Variants in KIF16B observed in about 807,000 individuals in gnomAD.
KIF16B encodes the protein kinesin family member 16B.
A neutral mutation model predicts 156.3 loss-of-function variants in KIF16B; 98 were observed. The observed-to-expected ratio is 0.63, with a 90% CI of 0.53 to 0.74. The LOEUF (loss-of-function observed/expected upper bound fraction) is 0.74. KIF16B is among the 30% of genes least tolerant of loss of function. The pLI is 0.00. For synonymous variants in KIF16B, 564 were observed against 583.7 expected, an observed-to-expected ratio of 0.97 and a Z score of 0.49; for missense variants, 1,421 against 1,606.5, an observed-to-expected ratio of 0.88 and a Z score of 1.97.
At chr20:16,445,923 T>C (rs1310476677) in intron 12 of KIF16B, among the ~76,000 whole-genome samples, 1 of 152,196 alleles carries the variant, frequency 6.6e-6, no homozygotes, top group East Asian at 1.9e-4. Flanking sequence ...TTCCTTTTTA[T>C]TGTGCTTTAC....
chr20:16,317,662 T>C (rs1427798901), intron 24 of KIF16B, among the ~76,000 whole-genome samples: 2 of 152,150 alleles, frequency 1.3e-5, no homozygotes, highest in African/African-American at 4.8e-5. Context: ...AAAGCACTGC[T>C]ACCACCGCAA....
chr20:16,431,861 G>GTA lies in KIF16B; in HGVS notation c.1303-1881_1303-1880dup, dbSNP rs201104430. ...TCTCCTTGGGAATGGCTATTAGTGT[G>GTA]TATATATATATATACATATATATAT... is the stretch of plus-strand genomic sequence containing the variant. On this transcript the variant is annotated intron_variant, in intron 12 of 25. Transcript: ENST00000354981. Among the ~76,000 whole-genome samples the GTA allele has an allele frequency of 7.5e-3, 1,068 of 142,558 alleles. 10 individuals are homozygous for GTA. The highest frequency in any genetic ancestry group is 0.042 in the South Asian group (189 of 4,466). 93.5% of individuals were successfully genotyped at this position (142,558 alleles called of 152,430 possible). A position where few individuals can be genotyped will look rare whatever the true frequency, so the allele number is the denominator to read the frequency against.
intron 23 of KIF16B, among the ~76,000 whole-genome samples, chr20:16,338,457 A>G (rs1434500631): frequency 1.3e-5 from 2 of 152,186 alleles, no homozygotes; most frequent in South Asian, 4.2e-4. Context: ...CTTCAGCCCT[A>G]TTGATCTCCT....
intron 1 of KIF16B, among the ~76,000 whole-genome samples, chr20:16,530,884 A>G (rs2069723817): frequency 1.3e-5 from 2 of 151,970 alleles, no homozygotes; most frequent in Admixed American, 1.3e-4. Context: ...TATTTTTTGT[A>G]GAGATGGAGT....
intron 12 of KIF16B, among the ~76,000 whole-genome samples, chr20:16,472,553 T>TAAA (rs11318601): frequency 3.5e-5 from 4 of 113,558 alleles, no homozygotes; most frequent in Non-Finnish European, 5.3e-5. Context: ...CATCTGAAAT[T>TAAA]AAAAAAAAAA....
intron 12 of KIF16B, among the ~76,000 whole-genome samples, chr20:16,444,244 G>A (rs1328725089): frequency 6.6e-6 from 1 of 152,190 alleles, no homozygotes; most frequent in Non-Finnish European, 1.5e-5. Context: ...CACATCACAT[G>A]ACCCAGCAGT....
At chr20:16,288,838 C>A (rs2063269267) in intron 25 of KIF16B, among the ~76,000 whole-genome samples, 1 of 152,086 alleles carries the variant, frequency 6.6e-6, no homozygotes, top group Non-Finnish European at 1.5e-5. Flanking sequence ...GGGATCCCAT[C>A]ATAAGTGGAA....
At chr20:16,532,192 C>G (rs201078192) in intron 1 of KIF16B, among the ~76,000 whole-genome samples, 2 of 138,106 alleles carry the variant, frequency 1.4e-5, no homozygotes, top group South Asian at 2.3e-4. Context: ...ACTTAAAAAA[C>G]CTTTTAGAGA....
chr20:16,391,082 G>A (rs2065352697), intron 17 of KIF16B, among the ~76,000 whole-genome samples: 1 of 152,128 alleles, frequency 6.6e-6, no homozygotes, highest in Admixed American at 6.5e-5. Context: ...GAATTGTGAT[G>A]AGCATAGTGT....
chr20:16,348,178 GAA>G (rs2064269379), intron 23 of KIF16B, among the ~76,000 whole-genome samples: 1 of 152,148 alleles, frequency 6.6e-6, no homozygotes. Flanking sequence ...AGTAGATTTT[GAA>G]AACAGGCAAG....
intron 25 of KIF16B, among the ~76,000 whole-genome samples, chr20:16,303,070 G>A (rs1042408159): frequency 2.0e-5 from 3 of 152,070 alleles, no homozygotes; most frequent in African/African-American, 4.8e-5. Flanking sequence ...CAACACAGCT[G>A]CAAAGTAGCA....
chr20:16,534,291 G>C (rs1267108553), intron 1 of KIF16B, among the ~76,000 whole-genome samples: 1 of 151,724 alleles, frequency 6.6e-6, no homozygotes, highest in African/African-American at 2.4e-5. Context: ...ATTACTCTTA[G>C]TATTTATAAC....
intron 6 of KIF16B, among the ~76,000 whole-genome samples, chr20:16,511,038 C>T (rs62199784): frequency 0.012 from 1,769 of 152,278 alleles, 15 homozygotes; most frequent in Middle Eastern, 0.061. Flanking sequence ...CTTCCGAAGA[C>T]GCAAGAGGTT....
At chr20:16,378,757 A>G in intron 19 of KIF16B, 48 bp downstream of exon 19, 1 of 1,494,550 alleles carries the variant, frequency 6.7e-7, no homozygotes, top group Non-Finnish European at 9.0e-7. Context: ...AAAAATGAGC[A>G]CTCATTTGGC....
chr20:16,352,045 T>C (rs994490799), intron 23 of KIF16B, among the ~76,000 whole-genome samples: 1 of 152,232 alleles, frequency 6.6e-6, no homozygotes, highest in Admixed American at 6.5e-5. Context: ...CCCCTCTCCA[T>C]GGTTTGCTAG....
At chr20:16,444,802 C>T (rs1355828185) in intron 12 of KIF16B, among the ~76,000 whole-genome samples, 1 of 152,198 alleles carries the variant, frequency 6.6e-6, no homozygotes, top group Non-Finnish European at 1.5e-5. Flanking sequence ...ATGAAAAACG[C>T]TGCACATACC....
intron 16 of KIF16B, among the ~76,000 whole-genome samples, chr20:16,405,257 G>A (rs2065754366): frequency 6.6e-6 from 1 of 152,098 alleles, no homozygotes; most frequent in Non-Finnish European, 1.5e-5. Context: ...TATAATCAGC[G>A]ATATTCCCTC....
At chr20:16,372,710 T>C (rs575214271) in intron 20 of KIF16B, among the ~76,000 whole-genome samples, 1 of 152,326 alleles carries the variant, frequency 6.6e-6, no homozygotes, top group Non-Finnish European at 1.5e-5. Flanking sequence ...ATTATTATTA[T>C]TTTTGAGACA....
chr20:16,470,739 G>A (rs778570471), intron 12 of KIF16B, among the ~76,000 whole-genome samples: 10 of 150,686 alleles, frequency 6.6e-5, no homozygotes, highest in South Asian at 2.1e-4. Flanking sequence ...TCGAGCAATC[G>A]GCCCAACTCA....
Sources: allele counts gnomAD v4.1 joint callset (sites outside exome capture counted in the v4.1 genomes callset), GRCh38; gene constraint gnomAD v4.1.1; transcripts MANE v1.5; gene names NCBI Gene and HGNC (gene_info 2026-07-23, HGNC 2026-07-21).